Variants in TOPAZ1 observed in about 807,000 individuals in gnomAD.
TOPAZ1 encodes testis and ovary specific TOPAZ 1, also known as protein TOPAZ1.
Under a neutral mutation model 172.2 loss-of-function variants are expected in TOPAZ1, and 66 were observed. That is an observed-to-expected ratio of 0.38 (90% CI 0.31 to 0.47). The LOEUF is 0.47. Among genes scored for constraint, TOPAZ1 ranks in the 20% least tolerant of loss-of-function variants. The probability of loss-of-function intolerance (pLI) is 0.99; values close to 1 mark genes in which losing one functional copy is unlikely to be tolerated. For missense variants in TOPAZ1, 1,822 were observed against 1,972.4 expected (o/e 0.92, Z 1.44); for synonymous variants, 681 against 683.9 (o/e 1.00, Z 0.07).
At chr3:44,323,004 G>C (rs1399249379) in intron 17 of TOPAZ1, 88 bp from the exon 18 acceptor site, 1 of 816,386 alleles carries the variant, frequency 1.2e-6, no homozygotes, top group Admixed American at 3.0e-5. Context: ...AAAGGGTGAA[G>C]GGGAGGAGAA....
chr3:44,329,638 G>C (rs1435190272), intron 19 of TOPAZ1, among the ~76,000 whole-genome samples: 1 of 152,184 alleles, frequency 6.6e-6, no homozygotes, highest in Non-Finnish European at 1.5e-5. Flanking sequence ...TCCTGTGTCG[G>C]AGACAGAGGA....
intron 4 of TOPAZ1, among the ~76,000 whole-genome samples, chr3:44,258,274 G>A (rs1387042): frequency 0.48 from 72,614 of 151,988 alleles, 18,217 homozygotes; most frequent in East Asian, 0.81. Flanking sequence ...AAGAAATAAT[G>A]CATAGATATC....
rs555103347 is a variant in TOPAZ1, at chr3:44,296,907, C to T, written c.3797+6021C>T. Among the ~76,000 whole-genome samples, 598 of 147,854 alleles carry T rather than the reference C, an allele frequency of 4.0e-3. 9 individuals are homozygous for T. Among genetic ancestry groups the T allele is most frequent in the African/African-American group, 0.014 (568 of 40,236 alleles). On this transcript the variant is annotated intron_variant, in intron 12 of 19. Transcript: ENST00000309765. ...CAAATTACGGCCGGGCATGGTGGCT[C>T]ACACCTGTAATCTCAGCACTTTGAG...
At chr3:44,315,482 C>T (rs1361269161) in intron 16 of TOPAZ1, among the ~76,000 whole-genome samples, 3 of 151,748 alleles carry the variant, frequency 2.0e-5, no homozygotes, top group African/African-American at 4.8e-5. Flanking sequence ...ATTCTTCTGC[C>T]TCAGCCTCCC....
intron 3 of TOPAZ1, among the ~76,000 whole-genome samples, chr3:44,255,274 G>C (rs1391796791): frequency 6.6e-6 from 1 of 152,122 alleles, no homozygotes; most frequent in African/African-American, 2.4e-5. Context: ...ATAGGTAATT[G>C]ACCTCAGCAG....
Position 44,261,763 on chromosome 3 carries a change from G to T in TOPAZ1, c.2956-656G>T, listed in dbSNP as rs1326755604. ...CTCTGGGCAGTATGGCCATTTTAAT[G>T]ATATTGCTCTCTCCTATCCATGATC... is the stretch of plus-strand genomic sequence containing the variant. On this transcript the variant is annotated intron_variant, in intron 4 of 19. Transcript: ENST00000309765. 3.9e-5 allele frequency among the ~76,000 whole-genome samples: 6 copies of T among 152,106 alleles called. No individual in the cohort carries two copies. The East Asian group carries it at 1.2e-3, about 29-fold the overall frequency.
chr3:44,287,877 G>A, intron 11 of TOPAZ1, 38 bp downstream of exon 11: 2 of 1,022,248 alleles, frequency 2.0e-6, no homozygotes, highest in Non-Finnish European at 2.8e-6. Context: ...CTGATGGCGA[G>A]TAACCAAGAA....
rs886584674 is a variant in TOPAZ1, at chr3:44,287,747, C to G, written c.3589C>G (p.Pro1197Ala). Residue 1197 changes from proline (P) to alanine (A), a missense_variant and splice_region_variant, in exon 11 of 20, where the codon CCT becomes GCT. By Grantham distance (27) the Pro-to-Ala change is conservative (BLOSUM62 -1). Around this residue, in one of 2 missense-constraint regions of TOPAZ1, gnomAD observed 1,489 missense variants for 1,490.8 expected, o/e 1.00. Coordinates refer to ENST00000309765, the MANE Select transcript of TOPAZ1 (RefSeq NM_001145030.2). ...AGTGTAATTTTTTTGTTTTATCCAG[C>G]CTTCTCTGAAAATATTACTAAACAT... is the stretch of plus-strand genomic sequence containing the variant. ...VNLSIMVKMLPSLKILLNIFE... is the reference protein window; with the variant it reads ...VNLSIMVKMLASLKILLNIFE... 5.5e-6 allele frequency: 8 copies of G among 1,443,668 alleles called. No individual in the cohort carries two copies. The highest frequency in any genetic ancestry group is 7.5e-6 in the Non-Finnish European group (8 of 1,072,510). 89.4% of individuals were successfully genotyped at this position (1,443,668 alleles called of 1,614,324 possible). A position where few individuals can be genotyped will look rare whatever the true frequency, so the allele number is the denominator to read the frequency against.
rs1017891694 is a variant in TOPAZ1, at chr3:44,288,767, T to C, written c.3681+928T>C. Among the ~76,000 whole-genome samples, 8 of 152,326 alleles carry C rather than the reference T, an allele frequency of 5.3e-5. No individual in the cohort carries two copies. The South Asian group carries it at 1.0e-3, about 20-fold the overall frequency. On this transcript the variant is annotated intron_variant, in intron 11 of 19. Transcript: ENST00000309765. ...TGTCTGATACTGAATAACTTGGCTT[T>C]CTGCAAAATGTACCCCGCAGTGACT...
At chr3:44,323,041 T>TGA in intron 17 of TOPAZ1, 51 bp from the exon 18 acceptor site, 1 of 1,299,318 alleles carries the variant, frequency 7.7e-7, no homozygotes, top group Non-Finnish European at 1.0e-6. Flanking sequence ...GATGGAGGTT[T>TGA]GAGACACTTT....
chr3:44,245,323 G>A, intron 2 of TOPAZ1, 52 bp downstream of exon 2: 1 of 1,455,126 alleles, frequency 6.9e-7, no homozygotes, highest in Non-Finnish European at 9.1e-7. Flanking sequence ...GGTTAGAAAA[G>A]CAGTCTCTTA....
At chr3:44,303,517 A>T (rs1700300785) in intron 12 of TOPAZ1, among the ~76,000 whole-genome samples, 1 of 131,084 alleles carries the variant, frequency 7.6e-6, no homozygotes. Flanking sequence ...TTTCAAACTT[A>T]ATGTGGACTT....
Position 44,266,986 on chromosome 3 carries a change from C to T in TOPAZ1, c.3021-11C>T. On this transcript the variant is annotated splice_polypyrimidine_tract_variant and intron_variant, in intron 5 of 19. Coordinates refer to ENST00000309765, the MANE Select transcript of TOPAZ1 (RefSeq NM_001145030.2). ...ATTTAAATTCTGATGTTAATTTTTCCTTTCACACAGCAAAGATTCTAGAAA... is the reference window on the plus strand; with the variant it reads ...ATTTAAATTCTGATGTTAATTTTTCTTTTCACACAGCAAAGATTCTAGAAA... 6.6e-7 allele frequency: 1 copy of T among 1,518,422 alleles called. No homozygotes were observed. The highest frequency in any genetic ancestry group is 8.8e-7 in the Non-Finnish European group (1 of 1,132,516). 94.1% of individuals were successfully genotyped at this position (1,518,422 alleles called of 1,614,324 possible).
intron 9 of TOPAZ1, among the ~76,000 whole-genome samples, chr3:44,286,799 C>T (rs892157560): frequency 6.6e-5 from 10 of 152,058 alleles, no homozygotes; most frequent in African/African-American, 2.2e-4. Flanking sequence ...AAATTGGAAA[C>T]ATCATGTTAC....
rs148622488 is a variant in TOPAZ1 at position 44,322,210 on chromosome 3, C to G, written c.4472-882C>G. ...CAGTCTAGCTCACAGACCCAACTGA[C>G]TGAATATAGGGAATAAAAGAGAAGT... On this transcript the variant is annotated intron_variant, in intron 17 of 19. Transcript: ENST00000309765. Among the ~76,000 whole-genome samples, 7 of 152,244 alleles carry G rather than the reference C, an allele frequency of 4.6e-5. No homozygotes were observed. In the East Asian group the frequency reaches 1.4e-3, roughly 29 times the overall value.
chr3:44,269,068 A>G, intron 6 of TOPAZ1, 148 bp from the exon 7 acceptor site: 1 of 607,604 alleles, frequency 1.6e-6, no homozygotes, highest in Non-Finnish European at 2.9e-6. Context: ...ATTTCACAGG[A>G]ACACACATGG....
At chr3:44,247,966 T>G (rs1030072818) in intron 2 of TOPAZ1, among the ~76,000 whole-genome samples, 1 of 152,210 alleles carries the variant, frequency 6.6e-6, no homozygotes, top group Non-Finnish European at 1.5e-5. Context: ...TTGACTATTT[T>G]GATTCATCGC....
chr3:44,256,310 C>A lies in TOPAZ1; in HGVS notation c.2955+32C>A, dbSNP rs555019390. On this transcript the variant is annotated intron_variant, in intron 4 of 19. Coordinates refer to ENST00000309765, the MANE Select transcript of TOPAZ1 (RefSeq NM_001145030.2). ...GGGGATCTTTTGTGTTTTTTTATTT[C>A]TTGGTCTTAAATAGTGGTAATGCAT... 2.8e-5 allele frequency: 42 copies of A among 1,508,928 alleles called. No homozygotes were observed. In the Admixed American group the frequency reaches 1.0e-3, roughly 37 times the overall value. 93.5% of individuals were successfully genotyped at this position (1,508,928 alleles called of 1,614,324 possible).
chr3:44,278,267 A>G (rs565288120), intron 8 of TOPAZ1, among the ~76,000 whole-genome samples: 12 of 152,066 alleles, frequency 7.9e-5, no homozygotes, highest in Non-Finnish European at 1.3e-4. Flanking sequence ...GTGCTGCTAG[A>G]TTCGGTTTGC....
Sources: gnomAD v4.1 joint callset for allele counts (sites outside exome capture counted in the v4.1 genomes callset) on GRCh38, gnomAD v4.1.1 for gene constraint, gnomAD v4.1.1 regional missense constraint, MANE v1.5 for transcripts, NCBI Gene and HGNC (gene_info 2026-07-23, HGNC 2026-07-21) for gene names.